The following CDH4 variants were observed in gnomAD, a reference collection of about 807,000 sequenced individuals.
CDH4 encodes the protein cadherin 4, also known as cadherin-4.
In CDH4, 33 loss-of-function variants were observed where a neutral mutation model predicts 86.0. That is an observed-to-expected ratio of 0.38 (90% confidence interval 0.29 to 0.51). CDH4 has a LOEUF of 0.51. Ranked by LOEUF, CDH4 falls within the 20% of genes least tolerant of loss-of-function variation. The pLI is 0.86. For missense variants in CDH4, 1,114 were observed against 1,307.4 expected, an observed-to-expected ratio of 0.85 and a Z score of 2.28; for synonymous variants, 555 against 549.4, an observed-to-expected ratio of 1.01 and a Z score of -0.14.
At position 61,873,837 on chromosome 20, in the gene CDH4, T is replaced by C. The variant is rs370252823; in HGVS notation, c.987T>C (p.Asn329=). ...AGACCCCACAGAGCCCGTCCCAGAA[T>C]ATGTTCACCATCAACAGCGAGACTG... is the stretch of plus-strand genomic sequence containing the variant. The part of the protein sequence containing the change: ...VTQTPQSPSQ[N]MFTINSETGD... The change falls in exon 7 of 16, where the codon AAT becomes AAC. Residue 329 remains asparagine, a synonymous_variant. Transcript: ENST00000614565. 1.9e-6 allele frequency: 3 copies of C among 1,614,042 alleles called. No individual in the cohort carries two copies. Among genetic ancestry groups the C allele is most frequent in the Non-Finnish European group, 2.5e-6 (3 of 1,180,008 alleles).
intron 4 of CDH4, among the ~76,000 whole-genome samples, chr20:61,794,237 G>C (rs1297021462): frequency 2.6e-5 from 4 of 152,090 alleles, no homozygotes; most frequent in Non-Finnish European, 4.4e-5. Flanking sequence ...GGAGAACTCT[G>C]ATGTGAGTAC....
At chr20:61,670,341 A>G (rs1017179726) in intron 2 of CDH4, among the ~76,000 whole-genome samples, 3 of 152,188 alleles carry the variant, frequency 2.0e-5, no homozygotes, top group East Asian at 1.9e-4. Flanking sequence ...TTCTTCCCCC[A>G]TAGTTCCAGG....
intron 2 of CDH4, among the ~76,000 whole-genome samples, chr20:61,593,815 C>T (rs2086534731): frequency 6.6e-6 from 1 of 151,468 alleles, no homozygotes; most frequent in Admixed American, 6.6e-5. Context: ...GAGTCTGGGC[C>T]GTGCCTGGCA....
At chr20:61,562,125 C>T (rs1254659687) in intron 2 of CDH4, among the ~76,000 whole-genome samples, 3 of 129,350 alleles carry the variant, frequency 2.3e-5, no homozygotes, top group Admixed American at 7.9e-5. Flanking sequence ...GAGGGACCTC[C>T]GTGTGGAGAG....
At chr20:61,786,805 T>G (rs562242274) in intron 4 of CDH4, among the ~76,000 whole-genome samples, 336 of 152,292 alleles carry the variant, frequency 2.2e-3, no homozygotes, top group African/African-American at 7.7e-3. Context: ...CTCTTAGAGT[T>G]TGGCAATGGC....
At chr20:61,451,167 C>T (rs1020554886) in intron 2 of CDH4, among the ~76,000 whole-genome samples, 6 of 144,374 alleles carry the variant, frequency 4.2e-5, no homozygotes, top group African/African-American at 8.1e-5. Context: ...GTGCATGTTT[C>T]TTCAATAGAG....
chr20:61,646,791 A>G (rs192120452), intron 2 of CDH4, among the ~76,000 whole-genome samples: 3 of 152,358 alleles, frequency 2.0e-5, no homozygotes, highest in Admixed American at 6.5e-5. Flanking sequence ...AGGAAGGGCT[A>G]TGAATTAAAT....
At position 61,287,355 on chromosome 20, in the gene CDH4, A is replaced by G. The variant is rs564037125; in HGVS notation, c.169+32418A>G. Among the ~76,000 whole-genome samples the G allele has an allele frequency of 4.5e-4, 69 of 152,164 alleles. 1 individual carries two copies. The highest frequency in any genetic ancestry group is 1.5e-3 in the African/African-American group (62 of 41,524). ...CTGGGTGTGGTGGTGCACACCTGTA[A>G]TCCCAGCTTCTCAGGAGGCTGAGGT... On this transcript the variant is annotated intron_variant, in intron 2 of 15. Transcript: ENST00000614565.
chr20:61,572,794 C>A (rs1396344672), intron 2 of CDH4, among the ~76,000 whole-genome samples: 5 of 152,094 alleles, frequency 3.3e-5, no homozygotes, highest in African/African-American at 9.7e-5. Context: ...AGGGGTCAGT[C>A]TTATACAGAT....
intron 2 of CDH4, among the ~76,000 whole-genome samples, chr20:61,721,212 C>T (rs1047204299): frequency 1.4e-4 from 22 of 152,144 alleles, no homozygotes; most frequent in African/African-American, 5.3e-4. Context: ...CAGAGGCTGC[C>T]CTTCACTGAG....
intron 2 of CDH4, among the ~76,000 whole-genome samples, chr20:61,546,323 TGTGTGTGAGGTGTGTATATGC>T (rs2086086483): frequency 6.6e-6 from 1 of 150,980 alleles, no homozygotes; most frequent in Admixed American, 6.6e-5. Flanking sequence ...TGCAGAGGTG[TGTGTGTGAGGTGTGTATATGC>T]GTGTGTGTGG....
intron 3 of CDH4, among the ~76,000 whole-genome samples, 180 bp from the exon 4 acceptor site, chr20:61,772,823 T>C (rs1413787052): frequency 6.6e-6 from 1 of 152,134 alleles, no homozygotes; most frequent in Non-Finnish European, 1.5e-5. Flanking sequence ...TGATTTTTTT[T>C]TTTCCCTAAT....
chr20:61,304,276 C>A (rs565444220), intron 2 of CDH4, among the ~76,000 whole-genome samples: 47 of 152,200 alleles, frequency 3.1e-4, no homozygotes, highest in Non-Finnish European at 6.3e-4. Context: ...CCCCCAACCC[C>A]CCGTTCTTTG....
rs148214267 is a variant in CDH4 at position 61,775,142 on chromosome 20, G to T, written c.576+1960G>T. Among the ~76,000 whole-genome samples, 374 of 152,254 alleles carry T rather than the reference G, an allele frequency of 2.5e-3. 1 individual carries two copies. The highest frequency in any genetic ancestry group is 8.6e-3 in the African/African-American group (357 of 41,550). ...GAGATTGTATACCAAACCACAGTTT[G>T]ATCACTGGGATAGTTTGTCAGGCTA... On this transcript the variant is annotated intron_variant, in intron 4 of 15. Transcript: ENST00000614565.
Position 61,797,339 on chromosome 20 carries a change from G to A in CDH4, c.576+24157G>A, listed in dbSNP as rs528749489. 4.6e-5 allele frequency among the ~76,000 whole-genome samples: 7 copies of A among 152,356 alleles called. No homozygotes were observed. In the East Asian group the frequency reaches 1.4e-3, roughly 29 times the overall value. ...CACGCCATCCACTGCCCAGGGTGGG[G>A]ACGAGCAGGAAAGAGGCTGAAACTG... On this transcript the variant is annotated intron_variant, in intron 4 of 15. Coordinates refer to ENST00000614565, the MANE Select transcript of CDH4 (RefSeq NM_001794.5).
chr20:61,292,913 G>A (rs757347497), intron 2 of CDH4, among the ~76,000 whole-genome samples: 14 of 152,220 alleles, frequency 9.2e-5, no homozygotes, highest in Non-Finnish European at 2.1e-4. Context: ...TAGGAGGGAG[G>A]AAGCCCCACA....
chr20:61,349,838 G>A (rs998766603), intron 2 of CDH4, among the ~76,000 whole-genome samples: 2 of 152,150 alleles, frequency 1.3e-5, no homozygotes, highest in African/African-American at 4.8e-5. Flanking sequence ...GAGGGGAAAG[G>A]ACCAAGTTCA....
At chr20:61,874,206 C>T (rs1055810357) in intron 7 of CDH4, among the ~76,000 whole-genome samples, 4 of 152,046 alleles carry the variant, frequency 2.6e-5, no homozygotes, top group Admixed American at 6.5e-5. Context: ...CAGCTGCACT[C>T]GGGGTCTGGG....
At chr20:61,796,533 T>C (rs1490123385) in intron 4 of CDH4, among the ~76,000 whole-genome samples, 2 of 152,102 alleles carry the variant, frequency 1.3e-5, no homozygotes, top group Non-Finnish European at 2.9e-5. Flanking sequence ...CTTGCCATCC[T>C]CCCGGGCCCT....
Sources: gnomAD v4.1 joint callset for allele counts (sites outside exome capture counted in the v4.1 genomes callset) on GRCh38, gnomAD v4.1.1 for gene constraint, MANE v1.5 for transcripts, NCBI Gene and HGNC (gene_info 2026-07-23, HGNC 2026-07-21) for gene names.